The following CDNF variants were observed in gnomAD, a reference collection of about 807,000 sequenced individuals.
CDNF encodes ARMET-like protein 1.
A neutral mutation model predicts 14.8 loss-of-function variants in CDNF; 9 were observed. That is an observed-to-expected ratio of 0.61 (90% confidence interval 0.37 to 1.06). CDNF has a LOEUF of 1.06. Among genes scored for constraint, CDNF ranks in the 50% least tolerant of loss-of-function variants. The pLI, the probability that CDNF is intolerant of heterozygous loss-of-function variation, is 0.01. For missense variants in CDNF, 228 were observed against 228.4 expected, an observed-to-expected ratio of 1.00 and a Z score of 0.01; for synonymous variants, 86 against 87.2, an observed-to-expected ratio of 0.99 and a Z score of 0.07.
intron 1 of CDNF, among the ~76,000 whole-genome samples, chr10:14,833,631 G>T (rs1439348313): frequency 6.6e-6 from 1 of 151,964 alleles, no homozygotes; most frequent in Non-Finnish European, 1.5e-5. Flanking sequence ...TGAGAAGGCA[G>T]CTAGATATAG....
intron 1 of CDNF, among the ~76,000 whole-genome samples, chr10:14,829,134 A>G (rs1343876269): frequency 6.6e-6 from 1 of 152,264 alleles, no homozygotes; most frequent in Non-Finnish European, 1.5e-5. Context: ...GAATCAATCA[A>G]TCATTGGAAC....
At chr10:14,835,042 T>C (rs1339788333) in intron 1 of CDNF, among the ~76,000 whole-genome samples, 1 of 152,098 alleles carries the variant, frequency 6.6e-6, no homozygotes, top group African/African-American at 2.4e-5. Flanking sequence ...ACCAGGTAGT[T>C]GTCCCATGCT....
At chr10:14,833,356 G>A (rs1564315819) in intron 1 of CDNF, among the ~76,000 whole-genome samples, 2 of 152,142 alleles carry the variant, frequency 1.3e-5, no homozygotes, top group East Asian at 3.8e-4. Flanking sequence ...CTGACGAAGA[G>A]GGAATTCTCC....
At chr10:14,825,672 A>G (rs569728775) in intron 2 of CDNF, 52 bp from the exon 3 acceptor site, 3 of 1,573,762 alleles carry the variant, frequency 1.9e-6, no homozygotes, top group South Asian at 2.2e-5. Context: ...GACATTCAGT[A>G]TCATTCCAGT....
intron 2 of CDNF, among the ~76,000 whole-genome samples, chr10:14,826,099 A>G (rs1161911968): frequency 2.8e-5 from 3 of 107,786 alleles, no homozygotes; most frequent in South Asian, 3.6e-4. Flanking sequence ...AAGAAGAAGC[A>G]GCAGCAGCAG....
chr10:14,830,793 C>A (rs1833838207), intron 1 of CDNF, among the ~76,000 whole-genome samples: 2 of 151,954 alleles, frequency 1.3e-5, no homozygotes, highest in South Asian at 4.2e-4. Flanking sequence ...TTGCAGTGAG[C>A]CGAGATCACA....
intron 1 of CDNF, among the ~76,000 whole-genome samples, chr10:14,828,625 G>A (rs148099607): frequency 7.9e-5 from 12 of 151,112 alleles, no homozygotes; most frequent in Non-Finnish European, 4.4e-5. Context: ...CCAGCCTGGC[G>A]ACAGAGCAAG....
chr10:14,833,857 A>G (rs1436328203), intron 1 of CDNF, among the ~76,000 whole-genome samples: 1 of 152,222 alleles, frequency 6.6e-6, no homozygotes, highest in African/African-American at 2.4e-5. Context: ...GAAGTAGGAT[A>G]AGAACAAAGA....
chr10:14,826,211 G>GAAT (rs1328018973), intron 2 of CDNF, among the ~76,000 whole-genome samples: 1 of 150,164 alleles, frequency 6.7e-6, no homozygotes, highest in Non-Finnish European at 1.5e-5. Context: ...AGAAGAAGAA[G>GAAT]AAGAAGAAGC....
intron 1 of CDNF, chr10:14,834,144 C>T (rs544372433): frequency 6.6e-6 from 1 of 152,190 alleles, no homozygotes; most frequent in South Asian, 2.1e-4. Flanking sequence ...GGTTCAAGAC[C>T]AGCCTCGGCA....
rs564230976 is a variant in CDNF at position 14,828,359 on chromosome 10, C to G, written c.116-87G>C. 61 of 1,322,332 alleles carry G rather than the reference C, an allele frequency of 4.6e-5. No homozygotes were observed. In the South Asian group the frequency reaches 6.4e-4, roughly 14 times the overall value. 81.9% of individuals were successfully genotyped at this position (1,322,332 alleles called of 1,614,324 possible). A position where few individuals can be genotyped will look rare whatever the true frequency, so the allele number is the denominator to read the frequency against. On this transcript the variant is annotated intron_variant, in intron 1 of 3. Coordinates refer to ENST00000465530, the MANE Select transcript of CDNF (RefSeq NM_001029954.3). The stretch of plus-strand genomic sequence containing the variant: ...TGACCCACTAACCACATTTAAAAGT[C>G]TATATGGGGCTGGGCATGGTGGCTT...
At chr10:14,826,814 G>C (rs1255212801) in intron 2 of CDNF, among the ~76,000 whole-genome samples, 1 of 152,128 alleles carries the variant, frequency 6.6e-6, no homozygotes, top group Non-Finnish European at 1.5e-5. Flanking sequence ...TCTAGCAATA[G>C]AAGAGACAGA....
In CDNF at chr10:14,819,245, T is replaced by C. The variant is rs1833715616; in HGVS notation, c.*735A>G. ...GCTGATAAAATAGCATTAACAATGG[T>C]AAAGTTCCAAGTTGCCTATGAGTGT... On this transcript the variant is annotated 3_prime_UTR_variant, in exon 4 of 4. Coordinates refer to ENST00000465530, the MANE Select transcript of CDNF (RefSeq NM_001029954.3). 1 of 152,226 alleles carries C rather than the reference T, an allele frequency of 6.6e-6. No individual in the cohort carries two copies. The highest frequency in any genetic ancestry group is 2.4e-5 in the African/African-American group (1 of 41,468). The allele number at this position is 152,226 out of a possible 1,614,324, so 9.4% of individuals were successfully genotyped here.
intron 3 of CDNF, 28 bp downstream of exon 3, chr10:14,825,450 AC>A (rs1833771288): frequency 6.2e-7 from 1 of 1,604,618 alleles, no homozygotes; most frequent in Non-Finnish European, 8.5e-7. Flanking sequence ...CATTGGACCT[AC>A]TGGGAAAAAC....
chr10:14,825,340 C>A (rs1833770460), intron 3 of CDNF, 139 bp downstream of exon 3: 1 of 779,194 alleles, frequency 1.3e-6, no homozygotes, highest in Middle Eastern at 2.4e-4. Flanking sequence ...CCATAGGTAC[C>A]ATTCATCAGC....
chr10:14,826,293 C>CAGAAGCAGCAGCAGA (rs1158644258), intron 2 of CDNF, among the ~76,000 whole-genome samples: 1 of 146,582 alleles, frequency 6.8e-6, no homozygotes, highest in African/African-American at 2.6e-5. Flanking sequence ...GTAGAAGCAG[C>CAGAAGCAGCAGCAGA]AGAAGCAGCA....
Position 14,837,854 on chromosome 10 carries a change from C to CCCCCCGG in CDNF, c.86_92dup (p.Pro33GlyfsTer8). ...CACCTTCACAGTCGGCCCCTGGCCG[C>CCCCCCGG]CCCCCGGCCTCCTGGCCCTGCGTCA... On this transcript the variant is annotated frameshift_variant, in exon 1 of 4. Coordinates refer to ENST00000465530, the MANE Select transcript of CDNF (RefSeq NM_001029954.3). LOFTEE classifies it high-confidence loss of function. The CCCCCCGG allele has an allele frequency of 6.3e-7, 1 of 1,595,738 alleles. No homozygotes were observed. Among genetic ancestry groups the CCCCCCGG allele is most frequent in the East Asian group, 2.3e-5 (1 of 44,400 alleles).
intron 3 of CDNF, among the ~76,000 whole-genome samples, chr10:14,821,228 G>A (rs765108128): frequency 1.4e-4 from 21 of 151,640 alleles, no homozygotes; most frequent in Admixed American, 5.3e-4. Context: ...TGGTTCAAGC[G>A]ATTCTCCTGT....
chr10:14,836,226 T>C (rs1455710392), intron 1 of CDNF: 1 of 152,220 alleles, frequency 6.6e-6, no homozygotes, highest in Non-Finnish European at 1.5e-5. Flanking sequence ...TAGAGCTGGA[T>C]GCAGAATCTG....
Sources: allele counts gnomAD v4.1 joint callset (sites outside exome capture counted in the v4.1 genomes callset), GRCh38; gene constraint gnomAD v4.1.1; transcripts MANE v1.5; gene names NCBI Gene and HGNC (gene_info 2026-07-23, HGNC 2026-07-21).